PTBP1: variants seen among roughly 807,000 people sequenced by gnomAD.
PTBP1 encodes the protein polypyrimidine tract-binding protein 1.
A neutral mutation model predicts 59.8 loss-of-function variants in PTBP1; 8 were observed. That is an observed-to-expected ratio of 0.13 (90% CI 0.08 to 0.24). The LOEUF is 0.24. PTBP1 is among the 10% of genes least tolerant of loss of function. The pLI is 1.00. For missense variants in PTBP1, 686 were observed against 767.0 expected, an observed-to-expected ratio of 0.89 and a Z score of 1.25; for synonymous variants, 490 against 320.7, an observed-to-expected ratio of 1.53 and a Z score of -5.64.
At chr19:797,582 C>T (rs1282433351) in intron 1 of PTBP1, 77 bp downstream of exon 1, 9 of 1,061,824 alleles carry the variant, frequency 8.5e-6, no homozygotes, top group Non-Finnish European at 1.1e-5. Context: ...CCGGCCTCCC[C>T]GGGGCCGATC....
At chr19:809,649 TG>T (rs984441543) in intron 13 of PTBP1, among the ~76,000 whole-genome samples, 1 of 152,064 alleles carries the variant, frequency 6.6e-6, no homozygotes, top group African/African-American at 2.4e-5. Context: ...CCCAGTACTG[TG>T]GGGGGCCGGG....
chr19:797,839 C>G (rs1250217270), intron 1 of PTBP1, among the ~76,000 whole-genome samples: 3 of 148,706 alleles, frequency 2.0e-5, no homozygotes, highest in Non-Finnish European at 4.5e-5. Flanking sequence ...TTCCCGCTTC[C>G]CGTCCGGCCC....
chr19:800,984 C>T (rs534277799), intron 2 of PTBP1, among the ~76,000 whole-genome samples: 33 of 152,214 alleles, frequency 2.2e-4, no homozygotes, highest in Admixed American at 1.6e-3. Context: ...GGTAGGAGGA[C>T]GGGGTAGTAC....
chr19:804,583 G>A lies in PTBP1; in HGVS notation c.487G>A (p.Ala163Thr). The change falls in exon 6 of 15, where the codon GCC (alanine) becomes ACC (threonine). Residue 163 changes from alanine (A) to threonine (T), a missense_variant. Coordinates refer to ENST00000356948, the MANE Select transcript of PTBP1 (RefSeq NM_002819.5). ...AVNSVQSGNLALAASAAAVDA... is the reference protein window; with the variant it reads ...AVNSVQSGNLTLAASAAAVDA... ...GAACTCGGTCCAGTCGGGGAACCTG[G>A]CCTTGGCTGCCTCGGCGGCGGCCGT... The A allele has an allele frequency of 6.2e-7, 1 of 1,610,876 alleles. No homozygotes were observed. The highest frequency in any genetic ancestry group is 1.3e-5 in the African/African-American group (1 of 75,040).
At position 810,954 on chromosome 19, in the gene PTBP1, T is replaced by C. The variant is rs1274544862; in HGVS notation, c.*128T>C. The stretch of plus-strand genomic sequence containing the variant: ...TTATTTTTTTAAAGAGAAATCAGTT[T>C]ACCTGTTTTTAAAAAAATTAAATCT... On this transcript the variant is annotated 3_prime_UTR_variant, in exon 15 of 15. Transcript: ENST00000356948. 1 of 1,019,164 alleles carries C rather than the reference T, an allele frequency of 9.8e-7. No individual in the cohort carries two copies. The highest frequency in any genetic ancestry group is 1.4e-6 in the Non-Finnish European group (1 of 736,642). 63.1% of individuals were successfully genotyped at this position (1,019,164 alleles called of 1,614,324 possible).
At chr19:801,396 C>A (rs1395717728) in intron 2 of PTBP1, among the ~76,000 whole-genome samples, 1 of 152,266 alleles carries the variant, frequency 6.6e-6, no homozygotes. Flanking sequence ...ATGGAGTTTG[C>A]TGCCGCAGAC....
chr19:799,350 C>A (rs761257598), intron 1 of PTBP1, 63 bp from the exon 2 acceptor site: 1 of 1,520,030 alleles, frequency 6.6e-7, no homozygotes. Flanking sequence ...CCGGGGACAG[C>A]TGGGTGCTCC....
At chr19:802,851 A>G (rs1462664904) in intron 2 of PTBP1, among the ~76,000 whole-genome samples, 1 of 152,238 alleles carries the variant, frequency 6.6e-6, no homozygotes, top group Non-Finnish European at 1.5e-5. Context: ...AGAAATAACC[A>G]GTGAATAGAT....
chr19:804,734 C>A (rs781289289), intron 6 of PTBP1, 32 bp downstream of exon 6: 3 of 1,609,528 alleles, frequency 1.9e-6, no homozygotes, highest in East Asian at 4.5e-5. Flanking sequence ...CAGGGCAGGT[C>A]GGCTGCTATT....
chr19:797,762 C>T (rs1342939547), intron 1 of PTBP1, among the ~76,000 whole-genome samples: 1 of 148,444 alleles, frequency 6.7e-6, no homozygotes. Flanking sequence ...CGCGGCCTCC[C>T]GCGCCCCTCC....
chr19:798,864 G>A (rs1187372318), intron 1 of PTBP1, among the ~76,000 whole-genome samples: 2 of 152,256 alleles, frequency 1.3e-5, no homozygotes, highest in Admixed American at 6.5e-5. Context: ...AGTAACTGAG[G>A]CTGTGTTCTG....
At position 806,340 on chromosome 19, in the gene PTBP1, C is replaced by T. The variant is rs776257889; in HGVS notation, c.971-68C>T. ...CTCCTCGGTGCATGAGGACGGGGAG[C>T]GTCGGCCTCTCCCACTCTGCGGTGG... On this transcript the variant is annotated intron_variant, in intron 9 of 14. Transcript: ENST00000356948. 3.5e-5 allele frequency: 52 copies of T among 1,486,216 alleles called. 1 individual carries two copies. The highest frequency in any genetic ancestry group is 1.6e-4 in the Admixed American group (7 of 44,054). The allele number at this position is 1,486,216 out of a possible 1,614,324, so 92.1% of individuals were successfully genotyped here. A position where few individuals can be genotyped will look rare whatever the true frequency, so the allele number is the denominator to read the frequency against.
At chr19:798,484 G>C (rs976237262) in intron 1 of PTBP1, 1 of 152,304 alleles carries the variant, frequency 6.6e-6, no homozygotes, top group Non-Finnish European at 1.5e-5. Context: ...CGTGCAGTCT[G>C]TGGTGTCAGA....
At chr19:809,077 C>T (rs1241388770) in intron 13 of PTBP1, among the ~76,000 whole-genome samples, 2 of 152,086 alleles carry the variant, frequency 1.3e-5, no homozygotes, top group South Asian at 2.1e-4. Flanking sequence ...GGAACGATCT[C>T]GGTTCACTGC....
intron 1 of PTBP1, among the ~76,000 whole-genome samples, chr19:797,834 G>C (rs1447836769): frequency 6.8e-6 from 1 of 147,764 alleles, no homozygotes; most frequent in Admixed American, 6.7e-5. Context: ...GGCCCTTCCC[G>C]CTTCCCGTCC....
At position 806,391 on chromosome 19, in the gene PTBP1, A is replaced by C. The variant is rs775793649; in HGVS notation, c.971-17A>C. 23 of 1,593,340 alleles carry C rather than the reference A, an allele frequency of 1.4e-5. No individual in the cohort carries two copies. The Admixed American group carries it at 4.0e-4, about 27-fold the overall frequency. On this transcript the variant is annotated splice_polypyrimidine_tract_variant and intron_variant, in intron 9 of 14. Coordinates refer to ENST00000356948, the MANE Select transcript of PTBP1 (RefSeq NM_002819.5). The stretch of plus-strand genomic sequence containing the variant: ...AGTCGGGGGCGCCGCCGCTCATCTC[A>C]CCTCCTGCTTTTCCAGGCCTTTCCG...
intron 8 of PTBP1, 140 bp from the exon 9 acceptor site, chr19:805,352 G>GC (rs1364618734): frequency 5.1e-5 from 60 of 1,185,620 alleles, no homozygotes; most frequent in South Asian, 1.1e-4. Context: ...CGGGACCACG[G>GC]CCCCCCCTGG....
intron 2 of PTBP1, among the ~76,000 whole-genome samples, chr19:802,867 C>T (rs999398069): frequency 1.3e-5 from 2 of 152,204 alleles, no homozygotes; most frequent in African/African-American, 4.8e-5. Flanking sequence ...TAGATTGTTT[C>T]TGGAGAGAAA....
At chr19:806,373 G>A (rs1388446154) in intron 9 of PTBP1, 35 bp from the exon 10 acceptor site, 1 of 1,573,694 alleles carries the variant, frequency 6.4e-7, no homozygotes, top group East Asian at 2.4e-5. Context: ...TGGAGTCGGG[G>A]GCGCCGCCGC....
Sources: allele counts gnomAD v4.1 joint callset (sites outside exome capture counted in the v4.1 genomes callset), GRCh38; gene constraint gnomAD v4.1.1; transcripts MANE v1.5; gene names NCBI Gene and HGNC (gene_info 2026-07-23, HGNC 2026-07-21).